Variants in SCMH1 observed in about 807,000 individuals in gnomAD.
SCMH1 encodes Scm polycomb group protein homolog 1.
Under a neutral mutation model 70.8 loss-of-function variants are expected in SCMH1, and 37 were observed. The observed-to-expected ratio is 0.52, with a 90% CI of 0.40 to 0.69. The LOEUF (loss-of-function observed/expected upper bound fraction) is 0.69. Ranked by LOEUF, SCMH1 falls within the 30% of genes least tolerant of loss-of-function variation. SCMH1 has a pLI of 0.00. For missense variants in SCMH1, 607 were observed against 827.3 expected, an observed-to-expected ratio of 0.73 and a Z score of 3.27; for synonymous variants, 292 against 307.4, an observed-to-expected ratio of 0.95 and a Z score of 0.52.
rs551255528 is a variant in SCMH1 at position 41,090,813 on chromosome 1, G to T, written c.746-15362C>A. 1.8e-4 allele frequency among the ~76,000 whole-genome samples: 27 copies of T among 152,248 alleles called. No individual in the cohort carries two copies. The South Asian group carries it at 5.6e-3, about 32-fold the overall frequency. ...CCAGCACTTTGGGAGGCTGAGGCGGGTGGATCATGAGGTCAGGAGATCGAG... is the reference window on the plus strand; with the variant it reads ...CCAGCACTTTGGGAGGCTGAGGCGGTTGGATCATGAGGTCAGGAGATCGAG... On this transcript the variant is annotated intron_variant, in intron 8 of 14. Coordinates refer to ENST00000337495, the Ensembl canonical transcript of SCMH1.
chr1:41,216,792 A>C (rs754243541), intron 1 of SCMH1, among the ~76,000 whole-genome samples: 1 of 152,218 alleles, frequency 6.6e-6, no homozygotes, highest in African/African-American at 2.4e-5. Flanking sequence ...TCCAGGAAAC[A>C]TCTCTATTTC....
At chr1:41,085,388 A>G (rs1389342302) in intron 8 of SCMH1, among the ~76,000 whole-genome samples, 1 of 152,184 alleles carries the variant, frequency 6.6e-6, no homozygotes, top group African/African-American at 2.4e-5. Context: ...TAATACATAT[A>G]TGCCAAAATC....
intron 1 of SCMH1, among the ~76,000 whole-genome samples, chr1:41,240,429 A>G (rs1378593213): frequency 6.6e-6 from 1 of 152,206 alleles, no homozygotes; most frequent in Admixed American, 6.5e-5. Flanking sequence ...TCTCTTTCAT[A>G]GTAATTTTGG....
intron 5 of SCMH1, among the ~76,000 whole-genome samples, chr1:41,150,156 T>G (rs984341335): frequency 1.3e-5 from 2 of 152,222 alleles, no homozygotes; most frequent in South Asian, 4.1e-4. Context: ...TCAACTCATT[T>G]GTTTTCTCTC....
At chr1:41,208,778 A>C (rs888602930) in intron 1 of SCMH1, among the ~76,000 whole-genome samples, 1 of 152,230 alleles carries the variant, frequency 6.6e-6, no homozygotes, top group Non-Finnish European at 1.5e-5. Context: ...AGAAAGCAGG[A>C]ATGATCTAAA....
chr1:41,058,378 G>GTTTTTTTTTTTTTTTTTTTTTTTTTTTT (rs548733204), intron 10 of SCMH1, among the ~76,000 whole-genome samples: 16 of 81,640 alleles, frequency 2.0e-4, no homozygotes, highest in Non-Finnish European at 2.7e-4. Flanking sequence ...TTTCTTTCTT[G>GTTTTTTTTTTTTTTTTTTTTTTTTTTTT]TTTTTTTTTT....
chr1:41,141,517 C>T (rs1455355431), intron 6 of SCMH1, among the ~76,000 whole-genome samples: 1 of 152,268 alleles, frequency 6.6e-6, no homozygotes, highest in East Asian at 1.9e-4. Context: ...ATAAATATCA[C>T]CAGCTATGAA....
chr1:41,152,495 TC>T (rs2148341725), intron 4 of SCMH1: 1 of 1,255,078 alleles, frequency 8.0e-7, no homozygotes, highest in East Asian at 2.4e-5. Context: ...AGGGAAAACA[TC>T]TTAAGGCAGG....
chr1:41,028,217 G>A (rs780580261), exon 15 of SCMH1: 14 of 1,614,016 alleles, frequency 8.7e-6, no homozygotes, highest in South Asian at 2.2e-5. Context: ...TGCTTCAGCC[G>A]GTCAATGTGG....
At chr1:41,191,752 T>A (rs114703391) in intron 1 of SCMH1, among the ~76,000 whole-genome samples, 3,138 of 152,204 alleles carry the variant, frequency 0.021, 105 homozygotes, top group African/African-American at 0.072. Flanking sequence ...TGTATTTTTT[T>A]AAAAAAATTG....
At chr1:41,135,935 T>C (rs1643235215) in intron 6 of SCMH1, among the ~76,000 whole-genome samples, 1 of 151,768 alleles carries the variant, frequency 6.6e-6, no homozygotes, top group Non-Finnish European at 1.5e-5. Flanking sequence ...TTGAAAACTT[T>C]TGTATATTTT....
rs1656182222 is a variant in SCMH1, at chr1:41,208,469, T to C, written c.-117-22219A>G. 2.0e-5 allele frequency among the ~76,000 whole-genome samples: 3 copies of C among 150,530 alleles called. No individual in the cohort carries two copies. The South Asian group carries it at 6.3e-4, about 31-fold the overall frequency. ...AAAATAAAAAATAAAAGTGACCACA[T>C]ATTTGGAAGTAAAGCACTCCTCAGC... is the stretch of plus-strand genomic sequence containing the variant. On this transcript the variant is annotated intron_variant, in intron 1 of 14. Coordinates refer to ENST00000337495, the Ensembl canonical transcript of SCMH1.
At chr1:41,239,685 C>T (rs942113300) in intron 1 of SCMH1, among the ~76,000 whole-genome samples, 3 of 152,008 alleles carry the variant, frequency 2.0e-5, no homozygotes, top group African/African-American at 4.8e-5. Context: ...CTGTCACTTG[C>T]TATGGCGTGA....
intron 1 of SCMH1, among the ~76,000 whole-genome samples, chr1:41,233,049 T>A (rs1331907452): frequency 2.0e-5 from 3 of 152,200 alleles, no homozygotes; most frequent in African/African-American, 7.2e-5. Context: ...GGCCTCAGTT[T>A]CTTTACTGAA....
intron 1 of SCMH1, among the ~76,000 whole-genome samples, chr1:41,239,820 G>A (rs2148955832): frequency 6.6e-6 from 1 of 152,108 alleles, no homozygotes; most frequent in South Asian, 2.1e-4. Context: ...ATTTTTTGTA[G>A]AGACAGGGTC....
Position 41,142,427 on chromosome 1 carries a change from C to T in SCMH1, c.412+451G>A, listed in dbSNP as rs575627315. Among the ~76,000 whole-genome samples the T allele has an allele frequency of 6.6e-5, 10 of 152,100 alleles. No individual in the cohort carries two copies. The South Asian group carries it at 1.9e-3, about 28-fold the overall frequency. ...AATGATTTTTATGTAATAATGGATTCGAAGCGAGAAAACTCCAAGGACCAG... is the reference window on the plus strand; with the variant it reads ...AATGATTTTTATGTAATAATGGATTTGAAGCGAGAAAACTCCAAGGACCAG... On this transcript the variant is annotated intron_variant, in intron 6 of 14. Coordinates refer to ENST00000337495, the Ensembl canonical transcript of SCMH1.
chr1:41,029,127 C>A (rs956184772), intron 13 of SCMH1, among the ~76,000 whole-genome samples: 4 of 151,992 alleles, frequency 2.6e-5, no homozygotes, highest in Admixed American at 2.6e-4. Flanking sequence ...ATCCTTGGCA[C>A]GTGGGCAAAA....
Position 41,116,994 on chromosome 1 carries a change from C to T in SCMH1, c.429G>A (p.Ala143=), listed in dbSNP as rs143668109. 4.5e-4 allele frequency: 728 copies of T among 1,604,372 alleles called. 2 individuals are homozygous for T. Among genetic ancestry groups the T allele is most frequent in the Non-Finnish European group, 5.8e-4 (681 of 1,175,164 alleles). The change falls in exon 7 of 15, where the codon GCG becomes GCA. Residue 143 remains alanine, a synonymous_variant. Coordinates refer to ENST00000337495, the Ensembl canonical transcript of SCMH1. ...TCAAAAGGAACATGGGCCAAGAAGA[C>T]GCATTCAGCCGAAATCCTGCAGCAA...
intron 4 of SCMH1, among the ~76,000 whole-genome samples, chr1:41,155,138 G>C (rs2148368173): frequency 6.6e-6 from 1 of 152,136 alleles, no homozygotes; most frequent in South Asian, 2.1e-4. Flanking sequence ...TTATAAAAGT[G>C]TTTTTATAAA....
Sources: allele counts gnomAD v4.1 joint callset (sites outside exome capture counted in the v4.1 genomes callset), GRCh38; gene constraint gnomAD v4.1.1; transcripts MANE v1.5; gene names NCBI Gene and HGNC (gene_info 2026-07-23, HGNC 2026-07-21).